ST6GALNAC3: variants seen among roughly 807,000 people sequenced by gnomAD.
The protein encoded by ST6GALNAC3 is ST6 N-acetylgalactosaminide alpha-2,6-sialyltransferase 3.
ST6GALNAC3 carries 25 observed loss-of-function variants against 32.7 expected under a neutral mutation model. The ratio of observed to expected loss-of-function variants is 0.76; its 90% CI spans 0.56 to 1.07. The LOEUF is 1.07. Ranked by LOEUF, ST6GALNAC3 falls within the 50% of genes least tolerant of loss-of-function variation. The pLI is 0.00. For missense variants in ST6GALNAC3, 355 were observed against 382.4 expected, an observed-to-expected ratio of 0.93 and a Z score of 0.60; for synonymous variants, 129 against 133.1, an observed-to-expected ratio of 0.97 and a Z score of 0.21.
intron 1 of ST6GALNAC3, among the ~76,000 whole-genome samples, chr1:76,180,240 T>C (rs1307996411): frequency 6.6e-6 from 1 of 152,208 alleles, no homozygotes; most frequent in Non-Finnish European, 1.5e-5. Flanking sequence ...ACTTCTTAAT[T>C]ATGTGACACT....
chr1:76,401,224 A>G (rs115079954), intron 2 of ST6GALNAC3, among the ~76,000 whole-genome samples: 4,922 of 152,080 alleles, frequency 0.032, 93 homozygotes, highest in South Asian at 0.042. Context: ...TTTAAATCTC[A>G]TGTTTCATTC....
chr1:76,552,988 A>T (rs935509644), intron 3 of ST6GALNAC3, among the ~76,000 whole-genome samples: 8 of 152,330 alleles, frequency 5.3e-5, no homozygotes, highest in African/African-American at 1.9e-4. Context: ...TCTTGAGTTT[A>T]TCATGGATTA....
intron 3 of ST6GALNAC3, among the ~76,000 whole-genome samples, chr1:76,562,572 C>T (rs912258122): frequency 2.0e-5 from 3 of 152,110 alleles, no homozygotes; most frequent in Non-Finnish European, 2.9e-5. Flanking sequence ...TTGAAAACAC[C>T]CAGAGCCAAA....
intron 3 of ST6GALNAC3, among the ~76,000 whole-genome samples, chr1:76,489,205 G>T (rs1184656122): frequency 6.6e-6 from 1 of 152,094 alleles, no homozygotes; most frequent in East Asian, 1.9e-4. Context: ...AGGTATTTGA[G>T]TACTATTACT....
At chr1:76,316,055 A>G (rs1261576228) in intron 2 of ST6GALNAC3, among the ~76,000 whole-genome samples, 2 of 150,386 alleles carry the variant, frequency 1.3e-5, no homozygotes, top group Non-Finnish European at 3.0e-5. Flanking sequence ...TGAGAAAAAT[A>G]TTTAAAAATC....
intron 3 of ST6GALNAC3, among the ~76,000 whole-genome samples, chr1:76,566,155 C>A (rs76097621): frequency 2.0e-5 from 3 of 152,172 alleles, no homozygotes; most frequent in Non-Finnish European, 4.4e-5. Context: ...CATCAACCAG[C>A]AAGTATTTCT....
At chr1:76,498,222 G>T (rs1367746755) in intron 3 of ST6GALNAC3, among the ~76,000 whole-genome samples, 1 of 152,168 alleles carries the variant, frequency 6.6e-6, no homozygotes, top group African/African-American at 2.4e-5. Flanking sequence ...TTTAAGTTTA[G>T]AGAAGGTTGT....
intron 3 of ST6GALNAC3, among the ~76,000 whole-genome samples, chr1:76,453,403 G>A (rs1302897622): frequency 1.3e-5 from 2 of 152,026 alleles, no homozygotes; most frequent in South Asian, 2.1e-4. Flanking sequence ...ACTTTTTGAT[G>A]TAAGCATTTA....
chr1:76,222,326 G>A lies in ST6GALNAC3; in HGVS notation c.19-91479G>A, dbSNP rs1261375396. Among the ~76,000 whole-genome samples the A allele has an allele frequency of 3.3e-5, 5 of 152,044 alleles. No individual in the cohort carries two copies. The East Asian group carries it at 9.6e-4, about 29-fold the overall frequency. On this transcript the variant is annotated intron_variant, in intron 1 of 4. Coordinates refer to ENST00000328299, the MANE Select transcript of ST6GALNAC3 (RefSeq NM_152996.4). ...AAGATAACCTAGGAAATACCATTCTGGACATAGGACCTGGCAAAGATTTCA... is the reference window on the plus strand; with the variant it reads ...AAGATAACCTAGGAAATACCATTCTAGACATAGGACCTGGCAAAGATTTCA...
chr1:76,410,287 T>A (rs1005339808), intron 2 of ST6GALNAC3, among the ~76,000 whole-genome samples: 3 of 152,122 alleles, frequency 2.0e-5, no homozygotes, highest in African/African-American at 7.2e-5. Flanking sequence ...CTCAGGGTAT[T>A]TGCATTGGTT....
chr1:76,404,183 T>C (rs1421646103), intron 2 of ST6GALNAC3, among the ~76,000 whole-genome samples: 1 of 152,080 alleles, frequency 6.6e-6, no homozygotes, highest in Non-Finnish European at 1.5e-5. Context: ...ACATCCCAAA[T>C]CCACATAGAG....
intron 3 of ST6GALNAC3, among the ~76,000 whole-genome samples, chr1:76,614,599 G>A (rs1265513382): frequency 2.0e-5 from 3 of 151,674 alleles, no homozygotes; most frequent in Non-Finnish European, 2.9e-5. Flanking sequence ...GGCGCCTGTA[G>A]TCCCAGCTAC....
chr1:76,315,301 AC>A (rs1168442299), intron 2 of ST6GALNAC3, among the ~76,000 whole-genome samples: 3 of 151,782 alleles, frequency 2.0e-5, no homozygotes, highest in African/African-American at 7.2e-5. Flanking sequence ...ATATTCTATA[AC>A]TCTACTGTAT....
intron 3 of ST6GALNAC3, among the ~76,000 whole-genome samples, chr1:76,514,164 T>A (rs1435739765): frequency 6.6e-6 from 1 of 152,210 alleles, no homozygotes; most frequent in African/African-American, 2.4e-5. Context: ...TCCTCTTGAC[T>A]AGTTGCTCTG....
chr1:76,422,352 T>C (rs2101382879), intron 3 of ST6GALNAC3, among the ~76,000 whole-genome samples: 1 of 152,148 alleles, frequency 6.6e-6, no homozygotes, highest in South Asian at 2.1e-4. Flanking sequence ...TTTTTTCTGC[T>C]GTTGTTTTAC....
chr1:76,167,097 C>A (rs921552654), intron 1 of ST6GALNAC3, among the ~76,000 whole-genome samples: 2 of 152,108 alleles, frequency 1.3e-5, no homozygotes, highest in African/African-American at 4.8e-5. Flanking sequence ...GGAAATGCTT[C>A]CAGCTTTTAC....
At chr1:76,499,575 A>T (rs1253841841) in intron 3 of ST6GALNAC3, among the ~76,000 whole-genome samples, 1 of 151,742 alleles carries the variant, frequency 6.6e-6, no homozygotes, top group Non-Finnish European at 1.5e-5. Flanking sequence ...TGTTCTTTGG[A>T]CCTTGGGCTT....
In ST6GALNAC3 at chr1:76,363,897, A is replaced by T. The variant is rs572073488; in HGVS notation, c.214-48111A>T. Among the ~76,000 whole-genome samples, 12 of 152,280 alleles carry T rather than the reference A, an allele frequency of 7.9e-5. No homozygotes were observed. The East Asian group carries it at 2.1e-3, about 27-fold the overall frequency. On this transcript the variant is annotated intron_variant, in intron 2 of 4. Transcript: ENST00000328299. ...ACTCACTCATTTTCAAGAAAATACC[A>T]AGGGGGATGGCATTAAACTATTCAT...
At chr1:76,310,432 G>C (rs1053951031) in intron 1 of ST6GALNAC3, among the ~76,000 whole-genome samples, 13 of 152,156 alleles carry the variant, frequency 8.5e-5, no homozygotes, top group Non-Finnish European at 1.9e-4. Flanking sequence ...GTGTTGAGGA[G>C]GCAGAGCTCA....
Sources: gnomAD v4.1 joint callset for allele counts (sites outside exome capture counted in the v4.1 genomes callset) on GRCh38, gnomAD v4.1.1 for gene constraint, MANE v1.5 for transcripts, NCBI Gene and HGNC (gene_info 2026-07-23, HGNC 2026-07-21) for gene names.